Variants in BAHCC1 observed in about 807,000 individuals in gnomAD.
The protein encoded by BAHCC1 is BAH and coiled-coil domain-containing protein 1.
A neutral mutation model predicts 88.2 loss-of-function variants in BAHCC1; 43 were observed. The observed-to-expected ratio is 0.49, with a 90% CI of 0.38 to 0.63. The LOEUF (loss-of-function observed/expected upper bound fraction) is 0.63, where lower values mean the gene tolerates loss of function less well. Among genes scored for constraint, BAHCC1 ranks in the 20% least tolerant of loss-of-function variants. BAHCC1 has a pLI of 0.00. For missense variants in BAHCC1, 3,023 were observed against 1,654.8 expected (o/e 1.83, Z -14.34); for synonymous variants, 1,510 against 745.5 (o/e 2.03, Z -16.71).
At position 81,460,864 on chromosome 17, in the gene BAHCC1, A is replaced by G. The variant is rs373311220; in HGVS notation, c.6203-2A>G. The G allele has an allele frequency of 1.6e-5, 12 of 766,292 alleles. No homozygotes were observed. Among genetic ancestry groups the G allele is most frequent in the Admixed American group, 5.1e-5 (3 of 59,022 alleles). 47.5% of individuals were successfully genotyped at this position (766,292 alleles called of 1,614,324 possible). On this transcript the variant is annotated splice_acceptor_variant, in intron 25 of 27. Transcript: ENST00000675386. LOFTEE classifies it high-confidence loss of function. ...CTGACTCTGCTGGGCTTTTGCCCTCAGGTAAAGCCGAACTCCTAACCTCAG... is the reference window on the plus strand; with the variant it reads ...CTGACTCTGCTGGGCTTTTGCCCTCGGGTAAAGCCGAACTCCTAACCTCAG...
At position 81,454,091 on chromosome 17, in the gene BAHCC1, G is replaced by A. The variant is rs114152731; in HGVS notation, c.4446-1176G>A. On this transcript the variant is annotated intron_variant, in intron 14 of 27. Coordinates refer to ENST00000675386, the MANE Select transcript of BAHCC1 (RefSeq NM_001377448.1). ...TATCCCTTTGCACCTGTGGGCAGGT[G>A]GGGGTTGAAAGGTGAGAGGCCAAGC... Among the ~76,000 whole-genome samples the A allele has an allele frequency of 7.4e-3, 1,123 of 152,374 alleles. 15 individuals are homozygous for A. Among genetic ancestry groups the A allele is most frequent in the African/African-American group, 0.024 (996 of 41,586 alleles).
At chr17:81,419,449 T>G (rs1466473810) in intron 2 of BAHCC1, among the ~76,000 whole-genome samples, 4 of 152,214 alleles carry the variant, frequency 2.6e-5, no homozygotes, top group Non-Finnish European at 5.9e-5. Context: ...CTGCCTCCCC[T>G]CCCGTCCTGC....
intron 2 of BAHCC1, among the ~76,000 whole-genome samples, chr17:81,421,173 G>A (rs1263329424): frequency 6.6e-6 from 1 of 152,228 alleles, no homozygotes; most frequent in Non-Finnish European, 1.5e-5. Context: ...AGCTGCCTCC[G>A]CCTGGGCTGG....
rs376700673 is a variant in BAHCC1 at position 81,463,619 on chromosome 17, G to C, written c.7629G>C (p.Leu2543=). 3 of 779,570 alleles carry C rather than the reference G, an allele frequency of 3.8e-6. No homozygotes were observed. Among genetic ancestry groups the C allele is most frequent in the Non-Finnish European group, 7.2e-6 (3 of 417,884 alleles). The allele number at this position is 779,570 out of a possible 1,614,324, so 48.3% of individuals were successfully genotyped here. A position where few individuals can be genotyped will look rare whatever the true frequency, so the allele number is the denominator to read the frequency against. ...GKRQCDGKNA[L]YQSCHEDEND... is the part of the protein sequence containing the mutation. Reference sequence around the variant, plus strand: ...GCGCGCCTTGCCCCCAGAATGCGCTGTACCAGTCCTGCCACGAGGATGAGA... The same window carrying C: ...GCGCGCCTTGCCCCCAGAATGCGCTCTACCAGTCCTGCCACGAGGATGAGA... The change falls in exon 28 of 28, where the codon CTG becomes CTC. Residue 2543 remains leucine, a synonymous_variant. Transcript: ENST00000675386.
At chr17:81,418,195 C>G (rs1477976814) in intron 2 of BAHCC1, among the ~76,000 whole-genome samples, 5 of 152,214 alleles carry the variant, frequency 3.3e-5, no homozygotes, top group African/African-American at 1.2e-4. Flanking sequence ...AGCAGGTGTG[C>G]AGTCGGGACA....
intron 9 of BAHCC1, 79 bp downstream of exon 9, chr17:81,445,257 C>T (rs2064502900): frequency 1.4e-6 from 1 of 720,032 alleles, no homozygotes; most frequent in Non-Finnish European, 2.6e-6. Flanking sequence ...CCAGGAGACC[C>T]CTGCATGCCT....
intron 3 of BAHCC1, 129 bp from the exon 4 acceptor site, chr17:81,438,241 G>A: frequency 1.5e-6 from 1 of 660,884 alleles, no homozygotes; most frequent in Non-Finnish European, 2.8e-6. Context: ...CCCCCCGGCG[G>A]CTGCGTGCTG....
rs1182190251 is a variant in BAHCC1 at position 81,399,696 on chromosome 17, C to T, written c.-44C>T. On this transcript the variant is annotated 5_prime_UTR_variant, in exon 2 of 28. Transcript: ENST00000675386. The surrounding 1 kb of genome is among the most constrained non-coding windows in gnomAD (Gnocchi z 4.5). ...CCGAGCCGCCCCCGGGCCCCGGCCG[C>T]GCTGCTCCGAGGAAGCGGCGGCGGA... The T allele has an allele frequency of 6.0e-6, 6 of 999,962 alleles. No homozygotes were observed. The highest frequency in any genetic ancestry group is 6.1e-5 in the Admixed American group (1 of 16,438). 61.9% of individuals were successfully genotyped at this position (999,962 alleles called of 1,614,324 possible).
At chr17:81,418,326 C>T (rs1447364642) in intron 2 of BAHCC1, among the ~76,000 whole-genome samples, 1 of 152,188 alleles carries the variant, frequency 6.6e-6, no homozygotes, top group Non-Finnish European at 1.5e-5. Context: ...GGAGCTGGGC[C>T]TGGCCACGTG....
intron 2 of BAHCC1, among the ~76,000 whole-genome samples, chr17:81,409,035 G>A (rs797037351): frequency 2.0e-5 from 3 of 152,360 alleles, no homozygotes; most frequent in African/African-American, 7.2e-5. Context: ...CGGAAAAGAT[G>A]AACGATTAAC....
intron 11 of BAHCC1, among the ~76,000 whole-genome samples, 165 bp downstream of exon 11, chr17:81,448,013 A>G (rs1389310768): frequency 9.2e-5 from 14 of 152,130 alleles, no homozygotes; most frequent in Admixed American, 5.2e-4. Context: ...TCCCTCGTCC[A>G]TGGAAGTCCG....
chr17:81,427,033 C>T, intron 3 of BAHCC1, 54 bp downstream of exon 3: 4 of 398,480 alleles, frequency 1.0e-5, no homozygotes, highest in Non-Finnish European at 1.8e-5. Context: ...GAGACTGACC[C>T]TGGTGCCCGG....
Position 81,466,314 on chromosome 17 carries a change from A to G in BAHCC1, c.*2497A>G, listed in dbSNP as rs1555660803. 1 of 152,650 alleles carries G rather than the reference A, an allele frequency of 6.6e-6. No homozygotes were observed. The highest frequency in any genetic ancestry group is 1.9e-4 in the East Asian group (1 of 5,196). 9.5% of individuals were successfully genotyped at this position (152,650 alleles called of 1,614,324 possible). A position where few individuals can be genotyped will look rare whatever the true frequency, so the allele number is the denominator to read the frequency against. The stretch of plus-strand genomic sequence containing the variant: ...TGATAACTTGCTTAAGAATAAATAT[A>G]TGGACTATTGTACAGGTTTTCGGTG... On this transcript the variant is annotated 3_prime_UTR_variant, in exon 28 of 28. Coordinates refer to ENST00000675386, the MANE Select transcript of BAHCC1 (RefSeq NM_001377448.1).
At chr17:81,457,281 C>T in intron 16 of BAHCC1, 129 bp from the exon 17 acceptor site, 1 of 640,912 alleles carries the variant, frequency 1.6e-6, no homozygotes, top group South Asian at 1.8e-5. Context: ...ACAGAGCGGC[C>T]CAGAGGGTGA....
chr17:81,450,843 G>A (rs1241546187), intron 11 of BAHCC1, among the ~76,000 whole-genome samples: 1 of 152,194 alleles, frequency 6.6e-6, no homozygotes, highest in Non-Finnish European at 1.5e-5. Flanking sequence ...AGGAGTTCGA[G>A]GTTGCAGTGA....
At chr17:81,440,807 C>A (rs1396839300) in intron 4 of BAHCC1, among the ~76,000 whole-genome samples, 2 of 152,202 alleles carry the variant, frequency 1.3e-5, no homozygotes, top group African/African-American at 2.4e-5. Context: ...CCCCCGGAGC[C>A]ACTGGCCTTT....
At chr17:81,433,710 G>A (rs1156707453) in intron 3 of BAHCC1, among the ~76,000 whole-genome samples, 1 of 151,710 alleles carries the variant, frequency 6.6e-6, no homozygotes, top group Admixed American at 6.6e-5. Context: ...AGTCCACCGA[G>A]GCCCCTCCTG....
intron 2 of BAHCC1, among the ~76,000 whole-genome samples, chr17:81,408,858 G>A (rs1476179829): frequency 6.6e-6 from 1 of 152,210 alleles, no homozygotes; most frequent in Non-Finnish European, 1.5e-5. Context: ...GTCTGGGGGT[G>A]GAAATGTCCT....
intron 3 of BAHCC1, among the ~76,000 whole-genome samples, chr17:81,430,424 G>A (rs1193403917): frequency 6.6e-6 from 1 of 152,132 alleles, no homozygotes; most frequent in Non-Finnish European, 1.5e-5. Context: ...CGGCCTCTTG[G>A]TCAGAACCAC....
Sources: gnomAD v4.1 joint callset for allele counts (sites outside exome capture counted in the v4.1 genomes callset) on GRCh38, gnomAD v4.1.1 for gene constraint, Gnocchi (gnomAD v3.1) non-coding constraint, MANE v1.5 for transcripts, NCBI Gene and HGNC (gene_info 2026-07-23, HGNC 2026-07-21) for gene names.